The following ROBO3 variants were observed in gnomAD, a reference collection of about 807,000 sequenced individuals.
ROBO3 encodes roundabout homolog 3.
A neutral mutation model predicts 160.5 loss-of-function variants in ROBO3; 97 were observed. The observed-to-expected ratio is 0.60, with a 90% CI of 0.51 to 0.72. ROBO3 has a LOEUF of 0.72. ROBO3 is among the 30% of genes least tolerant of loss of function. The pLI, the probability that ROBO3 is intolerant of heterozygous loss-of-function variation, is 0.00. For synonymous variants in ROBO3, 780 were observed against 746.2 expected (o/e 1.05, Z -0.74); for missense variants, 1,858 against 1,846.5 (o/e 1.01, Z -0.11).
chr11:124,874,298 C>T (rs2135331689), intron 12 of ROBO3, 62 bp downstream of exon 12: 1 of 1,482,496 alleles, frequency 6.7e-7, no homozygotes, highest in African/African-American at 1.4e-5. Flanking sequence ...AACCCTCTCC[C>T]CCAAAACCAT....
rs756131111 is a variant in ROBO3 at position 124,865,669 on chromosome 11, T to C, written c.92T>C (p.Leu31Ser). 3 of 1,612,524 alleles carry C rather than the reference T, an allele frequency of 1.9e-6. No homozygotes were observed. The Admixed American group carries it at 5.0e-5, about 27-fold the overall frequency. ...GDISNSSELL[L>S]GFNSSLAALN... The stretch of plus-strand genomic sequence containing the variant: ...ATCTCCAACTCCAGCGAGCTGCTCT[T>C]GGGCTTCAACTCCTCGCTGGCGGCG... The change falls in exon 1 of 28, where the codon TTG (leucine) becomes TCG (serine). Residue 31 changes from leucine (L) to serine (S), a missense_variant. Leu to Ser is a moderately radical substitution (Grantham distance 145). Transcript: ENST00000397801. The surrounding 1 kb of genome is among the most constrained non-coding windows in gnomAD (Gnocchi z 5.5).
rs746739527 is a variant in ROBO3 at position 124,877,127 on chromosome 11, C to T, written c.2780-34C>T. 1.4e-5 allele frequency: 22 copies of T among 1,612,864 alleles called. No individual in the cohort carries two copies. The Admixed American group carries it at 2.3e-4, about 17-fold the overall frequency. ...ATTTCTGACCCTTCTCCTCATTTCA[C>T]CTCTTCTTTCTCCCACGGGTTCCTT... On this transcript the variant is annotated intron_variant, in intron 17 of 27. Coordinates refer to ENST00000397801, the MANE Select transcript of ROBO3 (RefSeq NM_022370.4).
rs565534352 is a variant in ROBO3 at position 124,879,255 on chromosome 11, C to T, written c.3599C>T (p.Ala1200Val). ...CAGCCCATGCTGGGCATCCGTGAAG[C>T]GAGGCCTGCTGGCTTGGGTGCTGGC... Reference protein sequence around the residue: ...VSQPMLGIREARPAGLGAGPA... With the variant: ...VSQPMLGIREVRPAGLGAGPA... The change falls in exon 24 of 28, where the codon GCG (alanine) becomes GTG (valine). Residue 1200 changes from alanine (A) to valine (V), a missense_variant. Transcript: ENST00000397801. 6.7e-5 allele frequency: 105 copies of T among 1,569,724 alleles called. 1 individual carries two copies. Among genetic ancestry groups the T allele is most frequent in the African/African-American group, 3.5e-4 (26 of 73,878 alleles).
At position 124,872,227 on chromosome 11, in the gene ROBO3, T is replaced by G. The variant is rs78301061; in HGVS notation, c.1159-154T>G. Among the ~76,000 whole-genome samples the G allele has an allele frequency of 0.043, 6,530 of 152,286 alleles. 460 individuals carry two copies. Among genetic ancestry groups the G allele is most frequent in the African/African-American group, 0.15 (6,090 of 41,534 alleles). ...TTCCCTGATGTTTTTGTGAATACAT[T>G]TAACTACTTTGCCCAAGTTCACATC... On this transcript the variant is annotated intron_variant, in intron 7 of 27. Coordinates refer to ENST00000397801, the MANE Select transcript of ROBO3 (RefSeq NM_022370.4). The surrounding 1 kb of genome is among the most constrained non-coding windows in gnomAD (Gnocchi z 4.3).
Position 124,869,253 on chromosome 11 carries a change from C to T in ROBO3, c.487+125C>T. 8.4e-7 allele frequency: 1 copy of T among 1,192,246 alleles called. No homozygotes were observed. Among genetic ancestry groups the T allele is most frequent in the Admixed American group, 2.0e-5 (1 of 49,206 alleles). The allele number at this position is 1,192,246 out of a possible 1,614,324, so 73.9% of individuals were successfully genotyped here. On this transcript the variant is annotated intron_variant, in intron 2 of 27. Transcript: ENST00000397801. This position sits in a 1 kb window ranked among gnomAD's most constrained non-coding sequence, Gnocchi z 4.2. ...CCCACTCAGCATCCTTCTTTGGGAC[C>T]GCGACCTTTGATCTCTAATGGCCAC...
In ROBO3 at chr11:124,875,355, C is replaced by T; in HGVS notation, c.2299+19C>T. 6.6e-7 allele frequency: 1 copy of T among 1,506,382 alleles called. No homozygotes were observed. The highest frequency in any genetic ancestry group is 1.1e-5 in the South Asian group (1 of 88,482). The allele number at this position is 1,506,382 out of a possible 1,614,324, so 93.3% of individuals were successfully genotyped here. A position where few individuals can be genotyped will look rare whatever the true frequency, so the allele number is the denominator to read the frequency against. ...GAGGAGGGTAAGGAGGGCCACCGAA[C>T]AGATGGATGGACAAGAGGGAAGAAG... On this transcript the variant is annotated intron_variant, in intron 14 of 27. Transcript: ENST00000397801.
intron 1 of ROBO3, chr11:124,868,417 A>G (rs1049606216): frequency 1.9e-6 from 1 of 539,564 alleles, no homozygotes; most frequent in South Asian, 2.2e-5. Flanking sequence ...TCCGTGAACC[A>G]GTGCAGGTGG....
Position 124,872,858 on chromosome 11 carries a change from A to T in ROBO3, c.1331-26A>T, listed in dbSNP as rs1310614082. The T allele has an allele frequency of 1.2e-5, 19 of 1,554,000 alleles. No individual in the cohort carries two copies. Among genetic ancestry groups the T allele is most frequent in the Non-Finnish European group, 1.6e-5 (18 of 1,149,356 alleles). Reference sequence around the variant, plus strand: ...CGCGGGGCCCTAAGCTCCTCCCCTGAGGTGCACACGTTCTTCCTCTCTCAG... The same window carrying T: ...CGCGGGGCCCTAAGCTCCTCCCCTGTGGTGCACACGTTCTTCCTCTCTCAG... On this transcript the variant is annotated intron_variant, in intron 8 of 27. Transcript: ENST00000397801. The surrounding 1 kb of genome is among the most constrained non-coding windows in gnomAD (Gnocchi z 4.3).
rs868859019 is a variant in ROBO3, at chr11:124,877,419, C to A, written c.2847-100C>A. On this transcript the variant is annotated intron_variant, in intron 19 of 27. Coordinates refer to ENST00000397801, the MANE Select transcript of ROBO3 (RefSeq NM_022370.4). ...AGCATGGCCACCTCCCACCCCAACA[C>A]CACCGCCACTGTCCTGAAACTCCCG... 137 of 1,587,794 alleles carry A rather than the reference C, an allele frequency of 8.6e-5. No individual in the cohort carries two copies. The Middle Eastern group carries it at 4.3e-3, about 49-fold the overall frequency.
Position 124,874,886 on chromosome 11 carries a change from C to A in ROBO3, c.2050C>A (p.Arg684=). The A allele has an allele frequency of 6.2e-7, 1 of 1,602,932 alleles. No homozygotes were observed. Among genetic ancestry groups the A allele is most frequent in the Non-Finnish European group, 8.5e-7 (1 of 1,175,014 alleles). ...RLQEPIVLGP[R]TLQVSWTVDG... ...GCAGGAGCCCATAGTCCTGGGACCC[C>A]GGACCCTGCAGGTGTCCTGGACTGT... Residue 684 remains arginine (R), a synonymous_variant, in exon 13 of 28, where the codon CGG becomes AGG. Transcript: ENST00000397801.
At chr11:124,875,399 A>AG (rs1226136494) in intron 14 of ROBO3, 63 bp downstream of exon 14, 6 of 1,120,810 alleles carry the variant, frequency 5.4e-6, no homozygotes, top group African/African-American at 4.3e-5. Flanking sequence ...GTGGAGGTGG[A>AG]GGGGGGATGA....
chr11:124,879,497 C>T lies in ROBO3; in HGVS notation c.3718C>T (p.Pro1240Ser), dbSNP rs200645764. Residue 1240 changes from proline to serine, a missense_variant, in exon 25 of 28, where the codon CCC becomes TCC. By Grantham distance (74) the Pro-to-Ser change is moderately conservative. Coordinates refer to ENST00000397801, the MANE Select transcript of ROBO3 (RefSeq NM_022370.4). ...CTGGCAGGGGAATGGGGAGATGACT[C>T]CCCCACTTCAAGGACCCCGTGCTCG... Reference protein sequence around the residue: ...RTWQGNGEMTPPLQGPRARFR... With the variant: ...RTWQGNGEMTSPLQGPRARFR... 9 of 1,613,810 alleles carry T rather than the reference C, an allele frequency of 5.6e-6. No individual in the cohort carries two copies. In the South Asian group the frequency reaches 9.9e-5, roughly 18 times the overall value.
chr11:124,869,429 G>GCCGCCCCCCCCCCC lies in ROBO3; in HGVS notation c.488-19_488-18insGCCCCCCCCCCCCC. 1.5e-6 allele frequency: 2 copies of GCCGCCCCCCCCCCC among 1,295,750 alleles called. No homozygotes were observed. The highest frequency in any genetic ancestry group is 1.1e-6 in the Non-Finnish European group (1 of 929,932). The allele number at this position is 1,295,750 out of a possible 1,614,324, so 80.3% of individuals were successfully genotyped here. A position where few individuals can be genotyped will look rare whatever the true frequency, so the allele number is the denominator to read the frequency against. ...TGTCACTCTACACCCTGCTTATTTC[G>GCCGCCCCCCCCCCC]CCCCCCACCGCCCCGCCCAGTCCTC... is the stretch of plus-strand genomic sequence containing the variant. On this transcript the variant is annotated intron_variant, in intron 2 of 27. Transcript: ENST00000397801. This position sits in a 1 kb window ranked among gnomAD's most constrained non-coding sequence, Gnocchi z 4.2.
In ROBO3 at chr11:124,879,897, A is replaced by C. The variant is rs1591522763; in HGVS notation, c.3907A>C (p.Lys1303Gln). 4 of 1,609,884 alleles carry C rather than the reference A, an allele frequency of 2.5e-6. No individual in the cohort carries two copies. The highest frequency in any genetic ancestry group is 3.4e-6 in the Non-Finnish European group (4 of 1,178,498). The change falls in exon 26 of 28, where the codon AAA becomes CAA. Residue 1303 changes from lysine to glutamine, a missense_variant. Physicochemically the swap from Lys to Gln is moderately conservative, Grantham distance 53. Transcript: ENST00000397801. ...SLERERSGER[K>Q]AVQAVPLAAQ... ...GGAGCGGGAGCGCAGTGGGGAGAGG[A>C]AAGCGGTCCAGGCCGTGCCCCTGGC...
chr11:124,865,508 C>T lies in ROBO3; in HGVS notation c.-70C>T. ...GAGGCTGTGGAGGGGCTTACGGCTC[C>T]CAGCCCACGGGTCTCAGACCCAGGG... On this transcript the variant is annotated 5_prime_UTR_variant, in exon 1 of 28. Coordinates refer to ENST00000397801, the MANE Select transcript of ROBO3 (RefSeq NM_022370.4). This position sits in a 1 kb window ranked among gnomAD's most constrained non-coding sequence, Gnocchi z 5.5. The T allele has an allele frequency of 1.3e-6, 2 of 1,523,462 alleles. No homozygotes were observed. Among genetic ancestry groups the T allele is most frequent in the Non-Finnish European group, 1.8e-6 (2 of 1,122,980 alleles). The allele number at this position is 1,523,462 out of a possible 1,614,324, so 94.4% of individuals were successfully genotyped here.
Position 124,879,170 on chromosome 11 carries a change from G to A in ROBO3, c.3534-20G>A, listed in dbSNP as rs1946489179. The A allele has an allele frequency of 1.3e-6, 2 of 1,548,504 alleles. No individual in the cohort carries two copies. The highest frequency in any genetic ancestry group is 2.4e-5 in the South Asian group (2 of 83,838). On this transcript the variant is annotated intron_variant, in intron 23 of 27. Transcript: ENST00000397801. The stretch of plus-strand genomic sequence containing the variant: ...AGTTTTTGTGGAGGGAACAGAGGCT[G>A]CGGCCTCCTGTCATTGCAGGAGGGT...
rs778743655 is a variant in ROBO3, at chr11:124,873,830, T to G, written c.1752T>G (p.Ala584=). The G allele has an allele frequency of 5.0e-5, 80 of 1,613,562 alleles. No homozygotes were observed. Among genetic ancestry groups the G allele is most frequent in the Non-Finnish European group, 6.5e-5 (77 of 1,179,726 alleles). ...GGAAGCCCAACCCACAAACTGGGGC[T>G]GCAGTCACGTCTTATGTGATAGAGG... ...LTWKPNPQTG[A]AVTSYVIEAF... Residue 584 remains alanine (A), a synonymous_variant, in exon 11 of 28, where the codon GCT becomes GCG. Transcript: ENST00000397801. This position sits in a 1 kb window ranked among gnomAD's most constrained non-coding sequence, Gnocchi z 4.5.
chr11:124,879,760 C>T, intron 25 of ROBO3, 27 bp from the exon 26 acceptor site: 1 of 1,602,210 alleles, frequency 6.2e-7, no homozygotes, highest in Non-Finnish European at 8.5e-7. Context: ...TGGCAGGAGG[C>T]TCCGCTGAAA....
rs757016180 is a variant in ROBO3, at chr11:124,865,550, C to T, written c.-28C>T. Reference sequence around the variant, plus strand: ...GACCCAGGGGCTGGGCCCCCAGCCCCCAGTCCCGATCCCAGCTGGGTCGAG... The same window carrying T: ...GACCCAGGGGCTGGGCCCCCAGCCCTCAGTCCCGATCCCAGCTGGGTCGAG... On this transcript the variant is annotated 5_prime_UTR_variant, in exon 1 of 28. Transcript: ENST00000397801. This position sits in a 1 kb window ranked among gnomAD's most constrained non-coding sequence, Gnocchi z 5.5. 6.2e-7 allele frequency: 1 copy of T among 1,607,218 alleles called. No individual in the cohort carries two copies. The highest frequency in any genetic ancestry group is 1.1e-5 in the South Asian group (1 of 90,126).
Sources: gnomAD v4.1 joint callset for allele counts (sites outside exome capture counted in the v4.1 genomes callset) on GRCh38, gnomAD v4.1.1 for gene constraint, Gnocchi (gnomAD v3.1) non-coding constraint, MANE v1.5 for transcripts, NCBI Gene and HGNC (gene_info 2026-07-23, HGNC 2026-07-21) for gene names.